The following KANTR variants were observed in gnomAD, a reference collection of about 807,000 sequenced individuals.
The protein encoded by KANTR is KANTR integral membrane protein, also known as KDM5C adjacent transcript.
chrX:53,120,556 G>T (rs1037255087), intron 2 of KANTR, among the ~76,000 whole-genome samples: 1 of 110,853 alleles, frequency 9.0e-6, no homozygotes, highest in East Asian at 2.8e-4. Flanking sequence ...CATATCTTGT[G>T]TTCGATTTAT....
At chrX:53,110,431 C>T (rs1933015792) in intron 2 of KANTR, among the ~76,000 whole-genome samples, 1 of 111,985 alleles carries the variant, frequency 8.9e-6, no homozygotes, top group Non-Finnish European at 1.9e-5. Flanking sequence ...TGCTAATTTG[C>T]ATGTGTTGAA....
intron 1 of KANTR, among the ~76,000 whole-genome samples, chrX:53,095,501 G>A (rs1932839634): frequency 9.1e-6 from 1 of 109,524 alleles, no homozygotes; most frequent in African/African-American, 3.3e-5. Flanking sequence ...AAAATGAAAT[G>A]GATAGAAAAT....
exon 3 of KANTR, chrX:53,142,577 G>A (rs1933518289): frequency 3.4e-6 from 1 of 293,975 alleles, no homozygotes; most frequent in Non-Finnish European, 6.5e-6. Context: ...GCCTCCCAAA[G>A]TGCTGGGATT....
exon 3 of KANTR, chrX:53,142,284 G>A (rs1933513513): frequency 1.5e-5 from 2 of 132,066 alleles, no homozygotes; most frequent in African/African-American, 6.5e-5. Context: ...GCTGATATCA[G>A]ATACAAGCTT....
chrX:53,111,164 C>T (rs1285046961), intron 2 of KANTR, among the ~76,000 whole-genome samples: 1 of 107,771 alleles, frequency 9.3e-6, no homozygotes, highest in Non-Finnish European at 1.9e-5. Context: ...AGGCATGCAA[C>T]GACCACACCC....
intron 2 of KANTR, among the ~76,000 whole-genome samples, chrX:53,104,371 C>A (rs981143197): frequency 9.1e-6 from 1 of 109,865 alleles, no homozygotes; most frequent in Non-Finnish European, 1.9e-5. Flanking sequence ...GGATTACAGG[C>A]GCACACCACC....
downstream of KANTR, among the ~76,000 whole-genome samples, chrX:53,131,058 T>C (rs183675376): frequency 1.8e-5 from 2 of 111,596 alleles, no homozygotes; most frequent in African/African-American, 6.5e-5. Context: ...TGAAGATGGC[T>C]CTTCAGGTTG....
At chrX:53,126,887 A>G (rs1556816258) in exon 3 of KANTR, 1 of 111,282 alleles carries the variant, frequency 9.0e-6, no homozygotes, top group East Asian at 2.8e-4. Context: ...GAATTCTCCC[A>G]TGGCTCCCAC....
chrX:53,102,071 A>G (rs1556811969), intron 2 of KANTR, among the ~76,000 whole-genome samples: 1 of 111,774 alleles, frequency 8.9e-6, no homozygotes, highest in African/African-American at 3.2e-5. Flanking sequence ...TGAAATGTGA[A>G]AATTACCAAA....
intron 2 of KANTR, among the ~76,000 whole-genome samples, chrX:53,137,916 T>G (rs992550987): frequency 9.0e-6 from 1 of 111,728 alleles, no homozygotes; most frequent in African/African-American, 3.2e-5. Flanking sequence ...AATTTTCTTT[T>G]TGTTTTTTTC....
At chrX:53,143,636 C>T (rs1462815045), downstream of KANTR, 5 of 738,655 alleles carry the variant, frequency 6.8e-6, no homozygotes, top group Admixed American at 4.5e-5. Context: ...ATGCACAGCT[C>T]GTTGTAGAAG....
intron 2 of KANTR, among the ~76,000 whole-genome samples, chrX:53,113,487 G>A (rs184234413): frequency 1.9e-5 from 2 of 107,890 alleles, no homozygotes; most frequent in Admixed American, 1.0e-4. Context: ...CACTTCATAC[G>A]TCTCTTCTTT....
chrX:53,133,097 G>A (rs1933379367), intron 2 of KANTR, among the ~76,000 whole-genome samples: 1 of 110,634 alleles, frequency 9.0e-6, no homozygotes, highest in African/African-American at 3.3e-5. Context: ...GCCAGTCACG[G>A]TGGCTCACAC....
chrX:53,138,698 T>C (rs1346451968), intron 2 of KANTR, among the ~76,000 whole-genome samples: 6 of 104,578 alleles, frequency 5.7e-5, no homozygotes, highest in African/African-American at 1.4e-4. Flanking sequence ...AGAGCGAAAT[T>C]CTGTCTTAAA....
At chrX:53,104,617 A>G (rs1932925912) in intron 2 of KANTR, among the ~76,000 whole-genome samples, 2 of 111,314 alleles carry the variant, frequency 1.8e-5, no homozygotes, top group South Asian at 7.5e-4. Flanking sequence ...CTGTATCTAG[A>G]GATTTGTCTA....
chrX:53,094,153 A>AGGCCCGTGCCCCTGCTCGCGCTGC (rs1932829427), exon 1 of KANTR: 3 of 113,347 alleles, frequency 2.6e-5, no homozygotes, highest in Admixed American at 9.2e-5. Flanking sequence ...GTAGCGGCGT[A>AGGCCCGTGCCCCTGCTCGCGCTGC]GGCCCGTGCC....
In KANTR at chrX:53,097,350, G is replaced by GTTTT. The variant is rs781783647; in HGVS notation, c.-941-2105_-941-2102dup. Among the ~76,000 whole-genome samples the GTTTT allele has an allele frequency of 1.9e-4, 13 of 67,976 alleles. 5 individuals carry two copies. The highest frequency in any genetic ancestry group is 1.8e-4 in the Non-Finnish European group (7 of 37,866). The allele number at this position is 67,976 out of a possible 115,157, so 59.0% of individuals were successfully genotyped here. A position where few individuals can be genotyped will look rare whatever the true frequency, so the allele number is the denominator to read the frequency against. ...ACAACCCTTTTTTCATTTGTTTTAA[G>GTTTT]TTTTTTTTTTTTTTTTTTTTGAGAC... On this transcript the variant is annotated intron_variant, in intron 1 of 2. Coordinates refer to ENST00000604062, the Ensembl canonical transcript of KANTR.
downstream of KANTR, among the ~76,000 whole-genome samples, chrX:53,145,571 G>A (rs928762593): frequency 8.0e-5 from 9 of 112,153 alleles, no homozygotes; most frequent in African/African-American, 2.9e-4. Flanking sequence ...CCACCTCTGG[G>A]GGCAGGGCAT....
chrX:53,144,670 A>G (rs75166631), downstream of KANTR, among the ~76,000 whole-genome samples: 1 of 108,953 alleles, frequency 9.2e-6, no homozygotes, highest in Non-Finnish European at 1.9e-5. Flanking sequence ...TAAAGAAAAG[A>G]AAAAAAAAAG....
Sources: gnomAD v4.1 joint callset for allele counts (sites outside exome capture counted in the v4.1 genomes callset) on GRCh38, gnomAD v4.1.1 for gene constraint, MANE v1.5 for transcripts, NCBI Gene and HGNC (gene_info 2026-07-23, HGNC 2026-07-21) for gene names.